The following CDC42BPB variants were observed in gnomAD, a reference collection of about 807,000 sequenced individuals.
CDC42BPB encodes CDC42 binding protein kinase beta, also known as serine/threonine-protein kinase MRCK beta.
In CDC42BPB, 37 loss-of-function variants were observed where a neutral mutation model predicts 214.9. The observed-to-expected ratio is 0.17, with a 90% CI of 0.13 to 0.23. CDC42BPB has a LOEUF of 0.23. Among genes scored for constraint, CDC42BPB ranks in the 10% least tolerant of loss-of-function variants. The pLI is 1.00. For missense variants in CDC42BPB, 1,694 were observed against 2,227.0 expected, an observed-to-expected ratio of 0.76 and a Z score of 4.82; for synonymous variants, 931 against 884.0, an observed-to-expected ratio of 1.05 and a Z score of -0.94.
chr14:102,967,471 AAC>A (rs1231783587), intron 16 of CDC42BPB: 4 of 499,106 alleles, frequency 8.0e-6, no homozygotes, highest in African/African-American at 4.2e-5. Context: ...CAAAAATTAA[AAC>A]AGTCACGTGT....
chr14:102,936,680 A>G (rs951382642), intron 36 of CDC42BPB, among the ~76,000 whole-genome samples: 3 of 152,192 alleles, frequency 2.0e-5, no homozygotes, highest in South Asian at 2.1e-4. Flanking sequence ...TGTTTTAGAG[A>G]CAAGATCTCA....
chr14:103,051,929 T>C (rs1240462192), intron 1 of CDC42BPB, among the ~76,000 whole-genome samples: 2 of 152,096 alleles, frequency 1.3e-5, no homozygotes. Flanking sequence ...CACCGCAACC[T>C]CTGCCTCCTG....
intron 14 of CDC42BPB, among the ~76,000 whole-genome samples, chr14:102,969,935 T>G (rs1566868090): frequency 3.9e-5 from 6 of 152,212 alleles, no homozygotes. Context: ...AACTTTTATA[T>G]AACAAAGGAA....
chr14:103,013,117 G>C (rs1595144988), intron 1 of CDC42BPB, among the ~76,000 whole-genome samples: 2 of 152,198 alleles, frequency 1.3e-5, no homozygotes, highest in African/African-American at 4.8e-5. Flanking sequence ...AAGCCAATAG[G>C]TGAACACCTA....
At chr14:103,047,903 C>CAAA (rs376515642) in intron 1 of CDC42BPB, among the ~76,000 whole-genome samples, 8 of 127,780 alleles carry the variant, frequency 6.3e-5, no homozygotes, top group Admixed American at 3.8e-4. Flanking sequence ...ACTCTGTGTC[C>CAAA]AAAAAAAAAA....
Position 102,946,601 on chromosome 14 carries a change from C to G in CDC42BPB, c.3615G>C (p.Trp1205Cys), listed in dbSNP as rs1346688931. 6.2e-7 allele frequency: 1 copy of G among 1,612,808 alleles called. No homozygotes were observed. The highest frequency in any genetic ancestry group is 2.2e-5 in the East Asian group (1 of 44,890). The change falls in exon 28 of 37, where the codon TGG (tryptophan) becomes TGC (cysteine). Residue 1205 changes from tryptophan (W) to cysteine (C), a missense_variant. By Grantham distance (215) the Trp-to-Cys change is radical. Around this residue, in one of 7 missense-constraint regions of CDC42BPB, gnomAD observed 567 missense variants for 790.3 expected, o/e 0.72. Coordinates refer to ENST00000361246, the MANE Select transcript of CDC42BPB (RefSeq NM_006035.4). ...ACTGGAGTCCTTCTAGAATCCCAAC[C>G]CACTTCCTCTTTTCATTCTCATTTT... Reference protein sequence around the residue: ...LTENENEKRKWVGILEGLQSI... With the variant: ...LTENENEKRKCVGILEGLQSI...
At chr14:102,985,117 T>C (rs1270475478) in intron 6 of CDC42BPB, among the ~76,000 whole-genome samples, 147 of 120,306 alleles carry the variant, frequency 1.2e-3, no homozygotes, top group Middle Eastern at 5.3e-3. Flanking sequence ...GTAACCCATG[T>C]TCTGGTTATA....
At chr14:102,970,069 C>A (rs1051166161) in intron 14 of CDC42BPB, 82 bp downstream of exon 14, 9 of 1,133,506 alleles carry the variant, frequency 7.9e-6, no homozygotes, top group Admixed American at 2.0e-5. Flanking sequence ...CCACACATTA[C>A]ACAAGGTGAC....
At chr14:102,996,933 GTGTC>G (rs1402312612) in intron 5 of CDC42BPB, among the ~76,000 whole-genome samples, 1 of 152,130 alleles carries the variant, frequency 6.6e-6, no homozygotes, top group Non-Finnish European at 1.5e-5. Context: ...CACTAAATGA[GTGTC>G]TGTTCTATCG....
chr14:103,032,050 G>A (rs534324567), intron 1 of CDC42BPB, among the ~76,000 whole-genome samples: 4 of 151,404 alleles, frequency 2.6e-5, no homozygotes, highest in Non-Finnish European at 5.9e-5. Flanking sequence ...GCAAGCAGCA[G>A]AGGGAGCCAA....
intron 1 of CDC42BPB, among the ~76,000 whole-genome samples, chr14:103,044,119 A>G (rs1245389599): frequency 2.6e-5 from 4 of 152,242 alleles, no homozygotes; most frequent in Admixed American, 2.6e-4. Flanking sequence ...TTTCATTTTA[A>G]AGGTACATCA....
At chr14:103,031,669 A>C (rs1361314985) in intron 1 of CDC42BPB, among the ~76,000 whole-genome samples, 1 of 152,166 alleles carries the variant, frequency 6.6e-6, no homozygotes, top group African/African-American at 2.4e-5. Flanking sequence ...GCCTTTCCCC[A>C]GTGCTCTCAG....
intron 4 of CDC42BPB, among the ~76,000 whole-genome samples, chr14:103,002,635 C>T (rs750523923): frequency 6.6e-6 from 1 of 152,054 alleles, no homozygotes; most frequent in African/African-American, 2.4e-5. Flanking sequence ...GTGGAGGTGG[C>T]CCCAGAGCAG....
intron 5 of CDC42BPB, among the ~76,000 whole-genome samples, chr14:102,993,359 C>T (rs1418647306): frequency 2.0e-5 from 3 of 152,176 alleles, no homozygotes; most frequent in Admixed American, 1.3e-4. Context: ...GGTGGGTTCT[C>T]AATGAGCCGC....
intron 14 of CDC42BPB, among the ~76,000 whole-genome samples, chr14:102,969,534 C>T (rs1028003478): frequency 4.6e-5 from 7 of 152,234 alleles, no homozygotes; most frequent in African/African-American, 1.4e-4. Context: ...CTCAGGCCCA[C>T]GTCCCAGAGG....
At chr14:103,048,839 A>T (rs991836930) in intron 1 of CDC42BPB, among the ~76,000 whole-genome samples, 4 of 151,920 alleles carry the variant, frequency 2.6e-5, no homozygotes, top group African/African-American at 9.7e-5. Flanking sequence ...ATGCCACTGC[A>T]CTCCAGCCTG....
At chr14:102,971,862 T>C in intron 13 of CDC42BPB, 57 bp downstream of exon 13, 4 of 1,552,136 alleles carry the variant, frequency 2.6e-6, no homozygotes, top group South Asian at 1.2e-5. Flanking sequence ...AAAGACGTTT[T>C]ATAAAAGTCA....
intron 16 of CDC42BPB, among the ~76,000 whole-genome samples, chr14:102,967,724 C>G (rs539240611): frequency 3.9e-5 from 6 of 152,332 alleles, no homozygotes; most frequent in East Asian, 1.9e-4. Flanking sequence ...GTATTATGAT[C>G]GTACGGGACG....
In CDC42BPB at chr14:102,971,986, T is replaced by A; in HGVS notation, c.1817A>T (p.Glu606Val). The A allele has an allele frequency of 6.2e-7, 1 of 1,614,226 alleles. No individual in the cohort carries two copies. The highest frequency in any genetic ancestry group is 8.5e-7 in the Non-Finnish European group (1 of 1,180,032). Reference sequence around the variant, plus strand: ...GGCGTCCACCTTCTGCGTGGCCACCTCCATCTCCTCCTCCTTGTCTCGCAG... The same window carrying A: ...GGCGTCCACCTTCTGCGTGGCCACCACCATCTCCTCCTCCTTGTCTCGCAG... Reference protein sequence around the residue: ...RQLRDKEEEMEVATQKVDAMR... With the variant: ...RQLRDKEEEMVVATQKVDAMR... Residue 606 changes from glutamate (E) to valine (V), a missense_variant, in exon 13 of 37, where the codon GAG (glutamate) becomes GTG (valine). Physicochemically the swap from Glu to Val is moderately radical, Grantham distance 121. Coordinates refer to ENST00000361246, the MANE Select transcript of CDC42BPB (RefSeq NM_006035.4).
Sources: gnomAD v4.1 joint callset for allele counts (sites outside exome capture counted in the v4.1 genomes callset) on GRCh38, gnomAD v4.1.1 for gene constraint, gnomAD v4.1.1 regional missense constraint, MANE v1.5 for transcripts, NCBI Gene and HGNC (gene_info 2026-07-23, HGNC 2026-07-21) for gene names.